Variants in MGMT observed in about 807,000 individuals in gnomAD.
MGMT encodes the protein O-6-methylguanine-DNA methyltransferase.
Under a neutral mutation model 15.9 loss-of-function variants are expected in MGMT, and 14 were observed. The ratio of observed to expected loss-of-function variants is 0.88; its 90% CI spans 0.58 to 1.37. The LOEUF (loss-of-function observed/expected upper bound fraction) is 1.37, where lower values mean the gene tolerates loss of function less well. Among genes scored for constraint, MGMT ranks in the 40% most tolerant of loss-of-function variants. The pLI is 0.00. For missense variants in MGMT, 282 were observed against 268.1 expected (o/e 1.05, Z -0.36); for synonymous variants, 130 against 118.2 (o/e 1.10, Z -0.65).
At chr10:129,612,676 C>T (rs771754226) in intron 2 of MGMT, among the ~76,000 whole-genome samples, 3 of 152,164 alleles carry the variant, frequency 2.0e-5, no homozygotes, top group Non-Finnish European at 4.4e-5. Flanking sequence ...CTAGTGACTT[C>T]CACCTTTGAA....
At chr10:129,697,560 C>G in intron 2 of MGMT, among the ~76,000 whole-genome samples, 1 of 152,294 alleles carries the variant, frequency 6.6e-6, no homozygotes, top group South Asian at 2.1e-4. Context: ...AATAGAACAG[C>G]TTATAATGGA....
At chr10:129,687,638 A>G (rs576769175) in intron 2 of MGMT, among the ~76,000 whole-genome samples, 3 of 151,336 alleles carry the variant, frequency 2.0e-5, no homozygotes, top group Non-Finnish European at 2.9e-5. Context: ...CTTACTGTGC[A>G]TGTGTCAGGG....
At chr10:129,520,968 G>A (rs1845802415) in intron 1 of MGMT, among the ~76,000 whole-genome samples, 1 of 87,366 alleles carries the variant, frequency 1.1e-5, no homozygotes, top group Non-Finnish European at 2.1e-5. Flanking sequence ...GAGCCCCTAC[G>A]GTGAGGGTGC....
At chr10:129,715,051 T>C (rs1848278306) in intron 3 of MGMT, among the ~76,000 whole-genome samples, 1 of 152,162 alleles carries the variant, frequency 6.6e-6, no homozygotes, top group Non-Finnish European at 1.5e-5. Flanking sequence ...CACAGAGTAA[T>C]TTACCAAGCC....
intron 2 of MGMT, among the ~76,000 whole-genome samples, chr10:129,660,198 CTTCTTT>C (rs1847579998): frequency 6.6e-6 from 1 of 152,034 alleles, no homozygotes; most frequent in African/African-American, 2.4e-5. Context: ...TTTATTAATC[CTTCTTT>C]TTCATTTCCC....
chr10:129,715,872 C>G (rs750813438), intron 3 of MGMT, among the ~76,000 whole-genome samples: 1 of 152,192 alleles, frequency 6.6e-6, no homozygotes, highest in Non-Finnish European at 1.5e-5. Flanking sequence ...CAGGCTGACT[C>G]GGAATATAAG....
intron 4 of MGMT, among the ~76,000 whole-genome samples, chr10:129,764,238 G>A (rs899901642): frequency 7.9e-5 from 12 of 152,232 alleles, no homozygotes; most frequent in African/African-American, 2.4e-4. Context: ...GGGGCCTTGC[G>A]GGGTGATGGG....
At chr10:129,677,743 A>G (rs12256016) in intron 2 of MGMT, among the ~76,000 whole-genome samples, 45,854 of 152,038 alleles carry the variant, frequency 0.3, 7,292 homozygotes, top group African/African-American at 0.4. Context: ...ACTGCCCCCC[A>G]CAAAGCCCTG....
At chr10:129,644,496 C>T (rs1012209882) in intron 2 of MGMT, among the ~76,000 whole-genome samples, 1 of 152,130 alleles carries the variant, frequency 6.6e-6, no homozygotes, top group African/African-American at 2.4e-5. Flanking sequence ...GGTGAGAGGA[C>T]TCGATTGAAG....
intron 2 of MGMT, among the ~76,000 whole-genome samples, chr10:129,564,794 C>T (rs1013641432): frequency 2.6e-5 from 4 of 151,708 alleles, no homozygotes; most frequent in Non-Finnish European, 5.9e-5. Flanking sequence ...CCCCCCTCAG[C>T]CTCTTTTCTG....
chr10:129,486,199 TG>T (rs1428562310), intron 1 of MGMT, among the ~76,000 whole-genome samples: 1 of 121,872 alleles, frequency 8.2e-6, no homozygotes, highest in African/African-American at 3.1e-5. Flanking sequence ...TTTTTTTTGG[TG>T]GGGGGTAGAC....
intron 2 of MGMT, among the ~76,000 whole-genome samples, chr10:129,655,135 GAA>G (rs1240444829): frequency 6.6e-6 from 1 of 152,194 alleles, no homozygotes; most frequent in East Asian, 1.9e-4. Flanking sequence ...TGCATGGAAA[GAA>G]AGCACTGCAG....
intron 2 of MGMT, among the ~76,000 whole-genome samples, chr10:129,538,832 C>T (rs1320660393): frequency 6.6e-6 from 1 of 152,186 alleles, no homozygotes; most frequent in Non-Finnish European, 1.5e-5. Flanking sequence ...GACAGGGTTT[C>T]ACCATGTTGG....
chr10:129,761,410 A>G (rs1291927699), intron 4 of MGMT, among the ~76,000 whole-genome samples: 3 of 152,218 alleles, frequency 2.0e-5, no homozygotes, highest in Non-Finnish European at 4.4e-5. Flanking sequence ...ACTAACTGAC[A>G]TGTGCAGCGT....
intron 2 of MGMT, among the ~76,000 whole-genome samples, chr10:129,553,679 G>T (rs1846183016): frequency 6.6e-6 from 1 of 152,214 alleles, no homozygotes; most frequent in Admixed American, 6.5e-5. Context: ...AGAGATGGTG[G>T]CAGATCAGTC....
intron 2 of MGMT, among the ~76,000 whole-genome samples, chr10:129,546,134 G>GT (rs1333006757): frequency 6.6e-6 from 1 of 152,260 alleles, no homozygotes; most frequent in Non-Finnish European, 1.5e-5. Context: ...CTCTAAACGT[G>GT]TGAGTGCCCT....
intron 1 of MGMT, among the ~76,000 whole-genome samples, chr10:129,476,399 G>A (rs1403979202): frequency 6.6e-6 from 1 of 152,168 alleles, no homozygotes; most frequent in Non-Finnish European, 1.5e-5. Context: ...GGCCTGAGAC[G>A]CTTCTCCCCC....
chr10:129,727,661 TC>T (rs1160392159), intron 3 of MGMT, among the ~76,000 whole-genome samples: 1 of 152,194 alleles, frequency 6.6e-6, no homozygotes, highest in African/African-American at 2.4e-5. Context: ...CGCCCTCTGT[TC>T]CTTCCAGCTG....
intron 2 of MGMT, among the ~76,000 whole-genome samples, chr10:129,558,440 T>G (rs1846239926): frequency 6.6e-6 from 1 of 152,214 alleles, no homozygotes; most frequent in Non-Finnish European, 1.5e-5. Flanking sequence ...TTATGGCCTT[T>G]CTTTGGGATT....
Sources: allele counts gnomAD v4.1 joint callset (sites outside exome capture counted in the v4.1 genomes callset), GRCh38; gene constraint gnomAD v4.1.1; transcripts MANE v1.5; gene names NCBI Gene and HGNC (gene_info 2026-07-23, HGNC 2026-07-21).